ENTREP2: variants seen among roughly 807,000 people sequenced by gnomAD.
ENTREP2 encodes endosomal transmembrane epsin interactor 2.
chr15:29,391,375 C>T, the ENTREP2 span, among the ~76,000 whole-genome samples: 3 of 152,014 alleles, frequency 2.0e-5, no homozygotes, highest in Non-Finnish European at 2.9e-5. Flanking sequence ...AGTTACCTTT[C>T]TTCTCAACCT....
the ENTREP2 span, among the ~76,000 whole-genome samples, chr15:29,543,560 A>G: frequency 1.3e-5 from 2 of 152,096 alleles, no homozygotes; most frequent in African/African-American, 4.8e-5. Flanking sequence ...TAGGTGGATC[A>G]TTTGAAGTCA....
chr15:29,595,120 G>C, the ENTREP2 span, among the ~76,000 whole-genome samples: 3 of 149,564 alleles, frequency 2.0e-5, no homozygotes, highest in East Asian at 6.0e-4. Flanking sequence ...CAGGTGTGAT[G>C]GCACACACCT....
chr15:29,404,790 C>T, the ENTREP2 span, among the ~76,000 whole-genome samples: 1 of 152,138 alleles, frequency 6.6e-6, no homozygotes, highest in Non-Finnish European at 1.5e-5. Flanking sequence ...AGCAGCCTAA[C>T]TCAATACAGC....
At chr15:29,529,821 T>C in the ENTREP2 span, among the ~76,000 whole-genome samples, 1,782 of 152,328 alleles carry the variant, frequency 0.012, 28 homozygotes, top group African/African-American at 0.041. Context: ...TACCTCATTT[T>C]AGATATAGCA....
At chr15:29,515,732 C>A in the ENTREP2 span, among the ~76,000 whole-genome samples, 1 of 152,156 alleles carries the variant, frequency 6.6e-6, no homozygotes, top group African/African-American at 2.4e-5. Context: ...TCATTTGTAA[C>A]AGCAGCAGCA....
chr15:29,398,542 G>A, the ENTREP2 span, among the ~76,000 whole-genome samples: 9 of 151,980 alleles, frequency 5.9e-5, no homozygotes, highest in Non-Finnish European at 1.3e-4. Flanking sequence ...TGGCCAACAT[G>A]GTAAAATCCT....
chr15:29,618,725 G>A, the ENTREP2 span, among the ~76,000 whole-genome samples: 9 of 144,232 alleles, frequency 6.2e-5, no homozygotes, highest in African/African-American at 2.6e-4. Flanking sequence ...CCTGATGGGT[G>A]GTGGCTGCCA....
At chr15:29,600,439 C>CCACCATCATCATCAT in the ENTREP2 span, among the ~76,000 whole-genome samples, 3 of 141,700 alleles carry the variant, frequency 2.1e-5, no homozygotes, top group Non-Finnish European at 4.5e-5. Flanking sequence ...TTCTCTCCCA[C>CCACCATCATCATCAT]CATCATCATC....
At chr15:29,506,091 C>G in the ENTREP2 span, among the ~76,000 whole-genome samples, 1,872 of 152,180 alleles carry the variant, frequency 0.012, 41 homozygotes, top group African/African-American at 0.043. Context: ...CTGAAAAACA[C>G]AACACGAGAA....
At chr15:29,578,009 T>G in the ENTREP2 span, among the ~76,000 whole-genome samples, 12 of 152,294 alleles carry the variant, frequency 7.9e-5, no homozygotes, top group Admixed American at 4.6e-4. Flanking sequence ...TGGTTGGTGG[T>G]GCTACTTGCA....
At chr15:29,605,248 A>G in the ENTREP2 span, among the ~76,000 whole-genome samples, 1 of 152,198 alleles carries the variant, frequency 6.6e-6, no homozygotes, top group African/African-American at 2.4e-5. Context: ...TTTCTAAAAT[A>G]TAGTTGATTG....
the ENTREP2 span, among the ~76,000 whole-genome samples, chr15:29,366,366 C>T: frequency 6.6e-6 from 1 of 152,208 alleles, no homozygotes; most frequent in Non-Finnish European, 1.5e-5. Context: ...TGAGCCACTG[C>T]ATCCGACCTT....
chr15:29,461,315 T>A, the ENTREP2 span, among the ~76,000 whole-genome samples: 2 of 152,124 alleles, frequency 1.3e-5, no homozygotes, highest in Non-Finnish European at 2.9e-5. Flanking sequence ...AATGCTTATA[T>A]CAGTATCAAC....
At chr15:29,475,657 T>A in the ENTREP2 span, among the ~76,000 whole-genome samples, 1 of 151,274 alleles carries the variant, frequency 6.6e-6, no homozygotes, top group African/African-American at 2.4e-5. Flanking sequence ...TGGAAAGAAA[T>A]GAGGAGGAGG....
the ENTREP2 span, among the ~76,000 whole-genome samples, chr15:29,524,194 T>C: frequency 1.3e-5 from 2 of 152,070 alleles, no homozygotes; most frequent in African/African-American, 4.8e-5. Context: ...GACAACTCAA[T>C]TGGAAAATGA....
the ENTREP2 span, among the ~76,000 whole-genome samples, chr15:29,517,049 C>T: frequency 6.6e-6 from 1 of 151,308 alleles, no homozygotes; most frequent in African/African-American, 2.4e-5. Flanking sequence ...TAGAAATGGC[C>T]TTAGTAAAGG....
chr15:29,597,086 CAAAA>C, the ENTREP2 span, among the ~76,000 whole-genome samples: 66,230 of 143,836 alleles, frequency 0.46, 15,615 homozygotes, highest in Non-Finnish European at 0.55. Flanking sequence ...ATCACTCATA[CAAAA>C]AAAAAAAAAA....
chr15:29,510,650 C>CA, the ENTREP2 span, among the ~76,000 whole-genome samples: 1 of 151,262 alleles, frequency 6.6e-6, no homozygotes, highest in South Asian at 2.1e-4. Context: ...CTAAAGATAC[C>CA]AAAAAAATTA....
At chr15:29,209,109 G>A in the ENTREP2 span, among the ~76,000 whole-genome samples, 1 of 152,140 alleles carries the variant, frequency 6.6e-6, no homozygotes, top group African/African-American at 2.4e-5. Context: ...GGTTCCATGG[G>A]TTTGTTCACC....
Sources: gnomAD v4.1 joint callset for allele counts (sites outside exome capture counted in the v4.1 genomes callset) on GRCh38, gnomAD v4.1.1 for gene constraint, MANE v1.5 for transcripts, NCBI Gene and HGNC (gene_info 2026-07-23, HGNC 2026-07-21) for gene names.